FBXO25: variants seen among roughly 807,000 people sequenced by gnomAD.
FBXO25 encodes the protein F-box protein 25.
A neutral mutation model predicts 51.9 loss-of-function variants in FBXO25; 45 were observed. The ratio of observed to expected loss-of-function variants is 0.87; its 90% CI spans 0.68 to 1.11. The LOEUF (loss-of-function observed/expected upper bound fraction) is 1.11, where lower values mean the gene tolerates loss of function less well. FBXO25 is among the 50% of genes most tolerant of loss of function. FBXO25 has a pLI of 0.00. For missense variants in FBXO25, 507 were observed against 428.5 expected (o/e 1.18, Z -1.62); for synonymous variants, 199 against 151.0 (o/e 1.32, Z -2.33).
rs1229774437 is a variant in FBXO25, at chr8:473,882, TTTA to T, written c.*5083_*5085del. ...TTGCACAGATGAAGGCAAGTTGGTTTTTATTATCTAACCTATGTAGTCAATTCT... is the reference window on the plus strand; with the variant it reads ...TTGCACAGATGAAGGCAAGTTGGTTTTTATCTAACCTATGTAGTCAATTCT... On this transcript the variant is annotated 3_prime_UTR_variant, in exon 10 of 10. Coordinates refer to ENST00000350302, the MANE Select transcript of FBXO25 (RefSeq NM_183420.2). 2 of 152,224 alleles carry T rather than the reference TTTA, an allele frequency of 1.3e-5. No individual in the cohort carries two copies. The highest frequency in any genetic ancestry group is 4.8e-5 in the African/African-American group (2 of 41,452). 9.4% of individuals were successfully genotyped at this position (152,224 alleles called of 1,614,324 possible). A position where few individuals can be genotyped will look rare whatever the true frequency, so the allele number is the denominator to read the frequency against.
At chr8:415,155 A>G (rs1796719666) in intron 2 of FBXO25, among the ~76,000 whole-genome samples, 1 of 152,222 alleles carries the variant, frequency 6.6e-6, no homozygotes. Context: ...TCTTTGATTT[A>G]AGGTGGGCTT....
At chr8:439,267 G>T (rs1243007699) in intron 5 of FBXO25, among the ~76,000 whole-genome samples, 1 of 152,234 alleles carries the variant, frequency 6.6e-6, no homozygotes, top group Non-Finnish European at 1.5e-5. Context: ...CCAGGAGGTG[G>T]CTTCTGACAG....
chr8:408,816 G>A (rs1042159034), intron 1 of FBXO25, among the ~76,000 whole-genome samples: 1 of 152,172 alleles, frequency 6.6e-6, no homozygotes, highest in African/African-American at 2.4e-5. Flanking sequence ...GTTAATCATT[G>A]TAGGCTGTCT....
rs1369302957 is a variant in FBXO25, at chr8:471,815, G to C, written c.*3011G>C. 1 of 152,202 alleles carries C rather than the reference G, an allele frequency of 6.6e-6. No homozygotes were observed. The highest frequency in any genetic ancestry group is 1.5e-5 in the Non-Finnish European group (1 of 68,050). The allele number at this position is 152,202 out of a possible 1,614,324, so 9.4% of individuals were successfully genotyped here. On this transcript the variant is annotated 3_prime_UTR_variant, in exon 10 of 10. Transcript: ENST00000350302. ...TCGTGGTTTACTGCATGACGTACAG[G>C]CTCTCTGTATGCACTGTGTGTGCGT...
intron 9 of FBXO25, among the ~76,000 whole-genome samples, chr8:463,444 CCCTGCTGGCCCCCAG>C (rs1231225277): frequency 6.6e-6 from 1 of 152,198 alleles, no homozygotes; most frequent in Non-Finnish European, 1.5e-5. Context: ...GCTCCAGATT[CCCTGCTGGCCCCCAG>C]CCTGAGGTTG....
chr8:463,904 C>T (rs2116832596), intron 9 of FBXO25, among the ~76,000 whole-genome samples: 1 of 152,276 alleles, frequency 6.6e-6, no homozygotes, highest in South Asian at 2.1e-4. Context: ...GCCTCTACCT[C>T]CTGCCTCTCA....
intron 5 of FBXO25, among the ~76,000 whole-genome samples, chr8:443,357 A>T (rs1308576865): frequency 3.3e-5 from 5 of 151,052 alleles, no homozygotes; most frequent in South Asian, 2.1e-4. Context: ...CACCATATTT[A>T]TCCTACCAAC....
rs992560068 is a variant in FBXO25, at chr8:475,905, C to T, written c.*7101C>T. The T allele has an allele frequency of 5.9e-5, 9 of 152,160 alleles. No individual in the cohort carries two copies. The highest frequency in any genetic ancestry group is 9.7e-5 in the African/African-American group (4 of 41,446). The allele number at this position is 152,160 out of a possible 1,614,324, so 9.4% of individuals were successfully genotyped here. On this transcript the variant is annotated 3_prime_UTR_variant, in exon 10 of 10. Coordinates refer to ENST00000350302, the MANE Select transcript of FBXO25 (RefSeq NM_183420.2). ...TATTTCTTTTTCTTGCCTAACTGCT[C>T]TAAGACTCCAGTACTGTGTTAAACA...
chr8:411,535 C>G (rs1216884308), intron 1 of FBXO25, among the ~76,000 whole-genome samples: 1 of 152,112 alleles, frequency 6.6e-6, no homozygotes, highest in African/African-American at 2.4e-5. Flanking sequence ...TCTAGTCTAA[C>G]TCTCTTCTGA....
intron 1 of FBXO25, among the ~76,000 whole-genome samples, chr8:408,212 G>T (rs1412610597): frequency 6.6e-6 from 1 of 151,886 alleles, no homozygotes; most frequent in Non-Finnish European, 1.5e-5. Context: ...AAACACATGT[G>T]GTCTTTTAAG....
intron 1 of FBXO25, among the ~76,000 whole-genome samples, chr8:408,253 T>A (rs966789615): frequency 2.6e-5 from 4 of 152,216 alleles, no homozygotes; most frequent in Non-Finnish European, 4.4e-5. Context: ...CTGTGTTGTA[T>A]TCCTTGTTTT....
In FBXO25 at chr8:470,157, C is replaced by A. The variant is rs781160045; in HGVS notation, c.*1353C>A. On this transcript the variant is annotated 3_prime_UTR_variant, in exon 10 of 10. Coordinates refer to ENST00000350302, the MANE Select transcript of FBXO25 (RefSeq NM_183420.2). ...GGCTTTTATTAGCTCCACAGAATCA[C>A]CCAGATGGAACAGGCTTTTTCATCA... is the stretch of plus-strand genomic sequence containing the variant. The A allele has an allele frequency of 1.3e-5, 2 of 152,050 alleles. No homozygotes were observed. Among genetic ancestry groups the A allele is most frequent in the Non-Finnish European group, 2.9e-5 (2 of 68,028 alleles). 9.4% of individuals were successfully genotyped at this position (152,050 alleles called of 1,614,324 possible).
At position 468,801 on chromosome 8, in the gene FBXO25, T is replaced by A. The variant is rs1226964249; in HGVS notation, c.1074T>A (p.Phe358Leu). 2 of 1,613,904 alleles carry A rather than the reference T, an allele frequency of 1.2e-6. No individual in the cohort carries two copies. The highest frequency in any genetic ancestry group is 1.7e-5 in the Admixed American group (1 of 60,002). ...AGCACTTCATCGACCTCTTCAAGTT[T>A]TAAGGGCTGCCCCTGCCATCCCTAT... is the stretch of plus-strand genomic sequence containing the variant. ...SPQHFIDLFK[F>L] The change falls in exon 10 of 10, where the codon TTT becomes TTA. Residue 358 changes from phenylalanine to leucine, a missense_variant. By Grantham distance (22) the Phe-to-Leu change is conservative. Transcript: ENST00000350302.
chr8:427,550 A>G (rs921538659), intron 2 of FBXO25, among the ~76,000 whole-genome samples: 1 of 150,606 alleles, frequency 6.6e-6, no homozygotes, highest in African/African-American at 2.5e-5. Context: ...CCATAACCAC[A>G]AACTCAGTGG....
chr8:454,028 G>T (rs1038719774), intron 7 of FBXO25, among the ~76,000 whole-genome samples: 3 of 152,134 alleles, frequency 2.0e-5, no homozygotes, highest in Non-Finnish European at 4.4e-5. Flanking sequence ...GGAGGCTAAG[G>T]CAGGGGATTT....
intron 1 of FBXO25, among the ~76,000 whole-genome samples, chr8:408,112 T>A (rs997760598): frequency 2.6e-5 from 4 of 152,224 alleles, no homozygotes; most frequent in Admixed American, 6.5e-5. Flanking sequence ...GAGTACAACT[T>A]ATTTCTGACT....
Position 468,839 on chromosome 8 carries a change from A to T in FBXO25, c.*35A>T. ...CTGCCATCCCTATTGGAGATTGTGA[A>T]TCCTGCTGTCTGTGCAGGGCTCATA... On this transcript the variant is annotated 3_prime_UTR_variant, in exon 10 of 10. Transcript: ENST00000350302. The T allele has an allele frequency of 6.3e-7, 1 of 1,599,026 alleles. No homozygotes were observed. Among genetic ancestry groups the T allele is most frequent in the Non-Finnish European group, 8.6e-7 (1 of 1,168,756 alleles).
chr8:468,732 C>T lies in FBXO25; in HGVS notation c.1005C>T (p.Cys335=). 1 of 1,614,036 alleles carries T rather than the reference C, an allele frequency of 6.2e-7. No individual in the cohort carries two copies. The highest frequency in any genetic ancestry group is 8.5e-7 in the Non-Finnish European group (1 of 1,180,016). Reference sequence around the variant, plus strand: ...CCCCACAGGACTCAGGACACCCCTGCACGGCGGCCGACCCTGACAGCTGCT... The same window carrying T: ...CCCCACAGGACTCAGGACACCCCTGTACGGCGGCCGACCCTGACAGCTGCT... ...ILFWKDSGHP[C]TAADPDSCFT... is the part of the protein sequence containing the mutation. The change falls in exon 10 of 10, where the codon TGC becomes TGT. Residue 335 remains cysteine, a synonymous_variant. Coordinates refer to ENST00000350302, the MANE Select transcript of FBXO25 (RefSeq NM_183420.2).
intron 2 of FBXO25, among the ~76,000 whole-genome samples, chr8:423,158 TTCTC>T (rs1797256643): frequency 1.3e-5 from 2 of 151,128 alleles, no homozygotes; most frequent in Non-Finnish European, 3.0e-5. Context: ...CTACAGGGTT[TTCTC>T]TCTGTCTTCC....
Sources: gnomAD v4.1 joint callset for allele counts (sites outside exome capture counted in the v4.1 genomes callset) on GRCh38, gnomAD v4.1.1 for gene constraint, MANE v1.5 for transcripts, NCBI Gene and HGNC (gene_info 2026-07-23, HGNC 2026-07-21) for gene names.